RANBP2: variants seen among roughly 807,000 people sequenced by gnomAD.
RANBP2 encodes the protein E3 SUMO-protein ligase RanBP2.
A neutral mutation model predicts 303.6 loss-of-function variants in RANBP2; 57 were observed. That is an observed-to-expected ratio of 0.19 (90% CI 0.15 to 0.23). RANBP2 has a LOEUF of 0.23. Among genes scored for constraint, RANBP2 ranks in the 10% least tolerant of loss-of-function variants. The probability of loss-of-function intolerance (pLI) is 1.00; values close to 1 mark genes in which losing one functional copy is unlikely to be tolerated. For synonymous variants in RANBP2, 1,167 were observed against 1,301.5 expected, an observed-to-expected ratio of 0.90 and a Z score of 2.23; for missense variants, 3,138 against 3,780.8, an observed-to-expected ratio of 0.83 and a Z score of 4.46.
Position 108,763,324 on chromosome 2 carries a change from T to A in RANBP2, c.2785T>A (p.Ser929Thr), listed in dbSNP as rs1676870830. Residue 929 changes from serine (S) to threonine (T), a missense_variant, in exon 20 of 29, where the codon TCA becomes ACA. Physicochemically the swap from Ser to Thr is moderately conservative, Grantham distance 58. Transcript: ENST00000283195. Reference sequence around the variant, plus strand: ...GATGCACACACCGCCAGTGCAAAGCTCATCTGCTTGTATGTTCTCTCAGGA... The same window carrying A: ...GATGCACACACCGCCAGTGCAAAGCACATCTGCTTGTATGTTCTCTCAGGA... ...QQMHTPPVQS[S>T]SACMFSQEMY... The A allele has an allele frequency of 6.2e-7, 1 of 1,614,002 alleles. No individual in the cohort carries two copies.
chr2:109,131,245 A>G, the RANBP2 span, among the ~76,000 whole-genome samples: 1 of 152,052 alleles, frequency 6.6e-6, no homozygotes, highest in African/African-American at 2.4e-5. Context: ...ACTTTGCTGC[A>G]ATGGGTTTTT....
the RANBP2 span, among the ~76,000 whole-genome samples, chr2:109,628,705 A>G: frequency 6.6e-6 from 1 of 151,884 alleles, no homozygotes; most frequent in African/African-American, 2.4e-5. Context: ...GTATATTCCA[A>G]CCTGTCCACG....
the RANBP2 span, among the ~76,000 whole-genome samples, chr2:109,384,216 C>T: frequency 6.6e-6 from 1 of 152,168 alleles, no homozygotes; most frequent in South Asian, 2.1e-4. Flanking sequence ...CCCGGGGATG[C>T]AGCCTGAATG....
chr2:109,486,135 C>T, the RANBP2 span, among the ~76,000 whole-genome samples: 1 of 152,218 alleles, frequency 6.6e-6, no homozygotes, highest in African/African-American at 2.4e-5. Flanking sequence ...GGAGCTGACC[C>T]CTTCTCTGTG....
chr2:109,334,523 G>A, the RANBP2 span, among the ~76,000 whole-genome samples: 1 of 152,144 alleles, frequency 6.6e-6, no homozygotes, highest in African/African-American at 2.4e-5. Flanking sequence ...TAAAGGAAGG[G>A]TGCTAGTGGT....
chr2:109,126,184 C>A, the RANBP2 span, among the ~76,000 whole-genome samples: 1 of 152,168 alleles, frequency 6.6e-6, no homozygotes, highest in Non-Finnish European at 1.5e-5. Flanking sequence ...AATTTCATGC[C>A]CTGCCCAGTC....
At chr2:109,265,125 G>A in the RANBP2 span, among the ~76,000 whole-genome samples, 1 of 152,180 alleles carries the variant, frequency 6.6e-6, no homozygotes, top group Admixed American at 6.5e-5. Flanking sequence ...GAAATAGGAT[G>A]GTGTGTGTTT....
At chr2:108,759,988 C>G (rs1300621366) in intron 18 of RANBP2, among the ~76,000 whole-genome samples, 1 of 152,098 alleles carries the variant, frequency 6.6e-6, no homozygotes. Context: ...ATGGAGACTC[C>G]AAATGGATTA....
At chr2:108,927,128 G>A in the RANBP2 span, among the ~76,000 whole-genome samples, 1 of 152,190 alleles carries the variant, frequency 6.6e-6, no homozygotes, top group Admixed American at 6.5e-5. Flanking sequence ...CCTGGAAACT[G>A]TCCCCATCGT....
chr2:108,979,120 C>T, the RANBP2 span, among the ~76,000 whole-genome samples: 1 of 152,172 alleles, frequency 6.6e-6, no homozygotes, highest in Non-Finnish European at 1.5e-5. Flanking sequence ...GTGGAAACAT[C>T]TGAGGATGCC....
the RANBP2 span, among the ~76,000 whole-genome samples, chr2:108,914,899 C>T: frequency 3.9e-5 from 6 of 152,126 alleles, no homozygotes; most frequent in Admixed American, 6.5e-5. Context: ...GAGAAGCAAG[C>T]TTCCTAGTTG....
the RANBP2 span, among the ~76,000 whole-genome samples, chr2:109,102,567 G>A: frequency 6.6e-6 from 1 of 152,264 alleles, no homozygotes; most frequent in African/African-American, 2.4e-5. Context: ...GGCGAGAATA[G>A]CACTTAGATA....
chr2:109,373,704 C>T, the RANBP2 span, among the ~76,000 whole-genome samples: 5 of 152,022 alleles, frequency 3.3e-5, no homozygotes, highest in South Asian at 6.2e-4. Flanking sequence ...GTCCTGATCT[C>T]GGGAGAGCTG....
chr2:109,035,078 G>C, the RANBP2 span, among the ~76,000 whole-genome samples: 1 of 152,172 alleles, frequency 6.6e-6, no homozygotes. Flanking sequence ...AACCTCCCTA[G>C]ATTGGACTAT....
the RANBP2 span, among the ~76,000 whole-genome samples, chr2:109,348,546 C>G: frequency 6.6e-6 from 1 of 152,214 alleles, no homozygotes; most frequent in Non-Finnish European, 1.5e-5. Context: ...GCAGAAGAGA[C>G]TGGTTCTGGC....
the RANBP2 span, among the ~76,000 whole-genome samples, chr2:109,193,633 T>A: frequency 1.3e-5 from 2 of 152,236 alleles, no homozygotes; most frequent in Non-Finnish European, 2.9e-5. Context: ...ACCACATTTC[T>A]TTCTCCATTC....
chr2:109,516,935 G>A, the RANBP2 span, among the ~76,000 whole-genome samples: 3 of 152,278 alleles, frequency 2.0e-5, no homozygotes, highest in African/African-American at 7.2e-5. Context: ...ATGGCCCCCA[G>A]AATTCCTGGC....
chr2:109,174,138 A>G, the RANBP2 span, among the ~76,000 whole-genome samples: 1 of 152,242 alleles, frequency 6.6e-6, no homozygotes, highest in African/African-American at 2.4e-5. Flanking sequence ...CATAGGGCAG[A>G]GCCTCCCAAC....
the RANBP2 span, among the ~76,000 whole-genome samples, chr2:109,320,616 C>G: frequency 6.6e-6 from 1 of 152,202 alleles, no homozygotes; most frequent in Admixed American, 6.5e-5. Flanking sequence ...ACTAGGTCAC[C>G]AAAATCAGTG....
Sources: gnomAD v4.1 joint callset for allele counts (sites outside exome capture counted in the v4.1 genomes callset) on GRCh38, gnomAD v4.1.1 for gene constraint, MANE v1.5 for transcripts, NCBI Gene and HGNC (gene_info 2026-07-23, HGNC 2026-07-21) for gene names.